The following EPHX4 variants were observed in gnomAD, a reference collection of about 807,000 sequenced individuals.
The protein encoded by EPHX4 is abhydrolase domain containing 7.
EPHX4 carries 31 observed loss-of-function variants against 44.9 expected under a neutral mutation model. The ratio of observed to expected loss-of-function variants is 0.69; its 90% CI spans 0.52 to 0.93. The LOEUF (loss-of-function observed/expected upper bound fraction) is 0.93. Among genes scored for constraint, EPHX4 ranks in the 40% least tolerant of loss-of-function variants. EPHX4 has a pLI of 0.00. For synonymous variants in EPHX4, 151 were observed against 159.7 expected (o/e 0.95, Z 0.41); for missense variants, 373 against 438.1 (o/e 0.85, Z 1.33).
At chr1:92,038,190 T>C (rs1331461024) in intron 2 of EPHX4, among the ~76,000 whole-genome samples, 3 of 152,246 alleles carry the variant, frequency 2.0e-5, no homozygotes, top group Non-Finnish European at 4.4e-5. Context: ...GCATCATGTT[T>C]GCATAATCTC....
intron 2 of EPHX4, among the ~76,000 whole-genome samples, chr1:92,033,763 A>G (rs1688395287): frequency 6.6e-6 from 1 of 152,136 alleles, no homozygotes; most frequent in Non-Finnish European, 1.5e-5. Context: ...ACCGTTCTGG[A>G]GACTGGGAAA....
Position 92,045,593 on chromosome 1 carries a change from C to T in EPHX4, c.537C>T (p.Ala179=), listed in dbSNP as rs1174492174. Residue 179 remains alanine (A), a synonymous_variant, in exon 4 of 7, where the codon GCC becomes GCT. Transcript: ENST00000370383. ...GGGGCATGATTGCTTGGCTAATTGCCATCTGTTATCCTGAAATGGTGATGA... is the reference window on the plus strand; with the variant it reads ...GGGGCATGATTGCTTGGCTAATTGCTATCTGTTATCCTGAAATGGTGATGA... ...DWGGMIAWLI[A]ICYPEMVMKL... is the part of the protein sequence containing the mutation. The T allele has an allele frequency of 6.2e-7, 1 of 1,613,808 alleles. No individual in the cohort carries two copies. Among genetic ancestry groups the T allele is most frequent in the African/African-American group, 1.3e-5 (1 of 74,862 alleles).
In EPHX4 at chr1:92,052,602, C is replaced by G. The variant is rs756905481; in HGVS notation, c.801C>G (p.Val267=). 2 of 1,613,060 alleles carry G rather than the reference C, an allele frequency of 1.2e-6. No individual in the cohort carries two copies. The highest frequency in any genetic ancestry group is 1.7e-5 in the Admixed American group (1 of 59,890). Residue 267 remains valine (V), a synonymous_variant, in exon 6 of 7, where the codon GTC becomes GTG. Coordinates refer to ENST00000370383, the MANE Select transcript of EPHX4 (RefSeq NM_173567.5). ...AGGATCTTGAAGCTTATATTTATGT[C>G]TTTTCTCAGCCTGGAGCATTAAGTG... The part of the protein sequence containing the change: ...TTEDLEAYIY[V]FSQPGALSGP...
chr1:92,030,456 T>TGGTGTGTGTGTGTGTGTG, intron 1 of EPHX4, 146 bp downstream of exon 1: 1 of 270,766 alleles, frequency 3.7e-6, no homozygotes, highest in Non-Finnish European at 6.5e-6. Flanking sequence ...TCCCTGTGTG[T>TGGTGTGTGTGTGTGTGTG]CGTGTGTGTG....
chr1:92,054,124 T>C (rs1223156680), intron 6 of EPHX4, among the ~76,000 whole-genome samples: 1 of 152,186 alleles, frequency 6.6e-6, no homozygotes, highest in Non-Finnish European at 1.5e-5. Flanking sequence ...GAATTTGTGC[T>C]ACCTCCATGA....
At chr1:92,030,483 T>TGAGA (rs1553201381) in intron 1 of EPHX4, among the ~76,000 whole-genome samples, 173 bp downstream of exon 1, 1 of 138,658 alleles carries the variant, frequency 7.2e-6, no homozygotes, top group African/African-American at 2.7e-5. Context: ...TGTGTGTGTG[T>TGAGA]GTGAGAGAGA....
chr1:92,063,172 T>C lies in EPHX4; in HGVS notation c.975T>C (p.Tyr325=). The part of the protein sequence containing the change: ...AEVTKIYVKN[Y]FRLTILSEAS... ...TCACAAAGATTTATGTTAAAAACTATTTCAGGCTAACTATTTTGTCAGAAG... is the reference window on the plus strand; with the variant it reads ...TCACAAAGATTTATGTTAAAAACTACTTCAGGCTAACTATTTTGTCAGAAG... The change falls in exon 7 of 7, where the codon TAT becomes TAC. Residue 325 remains tyrosine (Y), a synonymous_variant. Transcript: ENST00000370383. 3.1e-6 allele frequency: 5 copies of C among 1,614,168 alleles called. No individual in the cohort carries two copies. Among genetic ancestry groups the C allele is most frequent in the Non-Finnish European group, 4.2e-6 (5 of 1,180,018 alleles).
rs138153902 is a variant in EPHX4 at position 92,061,773 on chromosome 1, G to A, written c.858-1282G>A. ...ATCATTTAATGTGAAACTTGCATAC[G>A]TGTACTGTGTATAAATTGTCTATAT... On this transcript the variant is annotated intron_variant, in intron 6 of 6. Coordinates refer to ENST00000370383, the MANE Select transcript of EPHX4 (RefSeq NM_173567.5). Among the ~76,000 whole-genome samples the A allele has an allele frequency of 1.6e-3, 248 of 152,222 alleles. 4 individuals are homozygous for A. Among genetic ancestry groups the A allele is most frequent in the African/African-American group, 5.4e-3 (226 of 41,538 alleles).
rs1056818168 is a variant in EPHX4, at chr1:92,045,612, G to C, written c.556G>C (p.Val186Leu). 3 of 1,613,916 alleles carry C rather than the reference G, an allele frequency of 1.9e-6. No individual in the cohort carries two copies. In the African/African-American group the frequency reaches 4.0e-5, roughly 22 times the overall value. Residue 186 changes from valine (V) to leucine (L), a missense_variant, in exon 4 of 7, where the codon GTG becomes CTG. Transcript: ENST00000370383. Reference protein sequence around the residue: ...WLIAICYPEMVMKLIVINFPH... With the variant: ...WLIAICYPEMLMKLIVINFPH... Reference sequence around the variant, plus strand: ...AATTGCCATCTGTTATCCTGAAATGGTGATGAAGCTTATTGTTATTAACTT... The same window carrying C: ...AATTGCCATCTGTTATCCTGAAATGCTGATGAAGCTTATTGTTATTAACTT...
intron 2 of EPHX4, among the ~76,000 whole-genome samples, chr1:92,038,745 G>T (rs1688473798): frequency 6.6e-6 from 1 of 152,126 alleles, no homozygotes; most frequent in Admixed American, 6.5e-5. Context: ...GGAATGGTGG[G>T]GAGTGATGGT....
intron 4 of EPHX4, among the ~76,000 whole-genome samples, chr1:92,046,556 T>C (rs1688584176): frequency 6.6e-6 from 1 of 152,114 alleles, no homozygotes; most frequent in African/African-American, 2.4e-5. Flanking sequence ...CTCCACCTCC[T>C]GGGTTCAAGC....
intron 5 of EPHX4, 94 bp from the exon 6 acceptor site, chr1:92,052,416 A>G: frequency 1.6e-6 from 2 of 1,233,198 alleles, no homozygotes; most frequent in South Asian, 2.9e-5. Flanking sequence ...AGTTGTCACC[A>G]CACAATGACC....
chr1:92,042,229 A>G (rs1424370493), intron 2 of EPHX4, among the ~76,000 whole-genome samples: 2 of 151,994 alleles, frequency 1.3e-5, no homozygotes, highest in Non-Finnish European at 2.9e-5. Flanking sequence ...GACATATATA[A>G]GTACAATGAT....
intron 4 of EPHX4, among the ~76,000 whole-genome samples, chr1:92,046,605 A>T (rs1306534016): frequency 6.6e-6 from 1 of 152,108 alleles, no homozygotes; most frequent in Non-Finnish European, 1.5e-5. Context: ...CTGGGACTAC[A>T]GACACCCGCC....
chr1:92,043,945 C>T (rs1401454950), intron 3 of EPHX4, among the ~76,000 whole-genome samples: 2 of 152,196 alleles, frequency 1.3e-5, no homozygotes, highest in African/African-American at 4.8e-5. Context: ...AGCTACATAG[C>T]CACCACGAGA....
chr1:92,040,759 C>T (rs553764403), intron 2 of EPHX4, among the ~76,000 whole-genome samples: 1 of 152,262 alleles, frequency 6.6e-6, no homozygotes, highest in African/African-American at 2.4e-5. Context: ...CCGCACCTGG[C>T]CTGTTTGTTA....
intron 1 of EPHX4, among the ~76,000 whole-genome samples, 182 bp downstream of exon 1, chr1:92,030,492 G>GTGTGTGTGTGTGTGTGTGTGTGTGTGTGT (rs1557880299): frequency 1.0e-5 from 1 of 96,964 alleles, no homozygotes; most frequent in Non-Finnish European, 2.5e-5. Context: ...GTGTGAGAGA[G>GTGTGTGTGTGTGTGTGTGTGTGTGTGTGT]AGAGAGAGAG....
chr1:92,050,475 AT>A (rs1647226592), intron 5 of EPHX4, 55 bp downstream of exon 5: 2 of 968,492 alleles, frequency 2.1e-6, no homozygotes, highest in East Asian at 5.8e-5. Flanking sequence ...AATGAAAAAT[AT>A]TTTAAAGTCC....
chr1:92,052,602 C>A lies in EPHX4; in HGVS notation c.801C>A (p.Val267=). ...TTEDLEAYIY[V]FSQPGALSGP... is the part of the protein sequence containing the mutation. The stretch of plus-strand genomic sequence containing the variant: ...AGGATCTTGAAGCTTATATTTATGT[C>A]TTTTCTCAGCCTGGAGCATTAAGTG... The change falls in exon 6 of 7, where the codon GTC becomes GTA. Residue 267 remains valine, a synonymous_variant. Transcript: ENST00000370383. 4 of 1,613,060 alleles carry A rather than the reference C, an allele frequency of 2.5e-6. No homozygotes were observed. The highest frequency in any genetic ancestry group is 3.4e-6 in the Non-Finnish European group (4 of 1,179,596).
Sources: gnomAD v4.1 joint callset for allele counts (sites outside exome capture counted in the v4.1 genomes callset) on GRCh38, gnomAD v4.1.1 for gene constraint, MANE v1.5 for transcripts, NCBI Gene and HGNC (gene_info 2026-07-23, HGNC 2026-07-21) for gene names.